Variants in ENPEP observed in about 807,000 individuals in gnomAD.
ENPEP encodes AP-A.
In ENPEP, 103 loss-of-function variants were observed where a neutral mutation model predicts 114.5. The ratio of observed to expected loss-of-function variants is 0.90; its 90% confidence interval spans 0.77 to 1.06. The LOEUF is 1.06. Among genes scored for constraint, ENPEP ranks in the 50% least tolerant of loss-of-function variants. The probability of loss-of-function intolerance (pLI) is 0.00; values close to 1 mark genes in which losing one functional copy is unlikely to be tolerated. For synonymous variants in ENPEP, 420 were observed against 422.0 expected, an observed-to-expected ratio of 1.00 and a Z score of 0.06; for missense variants, 1,196 against 1,161.3, an observed-to-expected ratio of 1.03 and a Z score of -0.43.
At chr4:110,484,277 G>A (rs1051302143) in intron 1 of ENPEP, among the ~76,000 whole-genome samples, 18 of 152,078 alleles carry the variant, frequency 1.2e-4, no homozygotes, top group African/African-American at 4.1e-4. Context: ...CTGGTGACCA[G>A]GTTTTACAGA....
rs988379942 is a variant in ENPEP at position 110,476,803 on chromosome 4, G to C, written c.389G>C (p.Arg130Pro). The change falls in exon 1 of 20, where the codon CGG becomes CCG. Residue 130 changes from arginine (R) to proline (P), a missense_variant. Arg to Pro is a moderately radical substitution (Grantham distance 103). Coordinates refer to ENST00000265162, the MANE Select transcript of ENPEP (RefSeq NM_001977.4). Reference sequence around the variant, plus strand: ...TCCATCAACCTGAGCGCTCCCACCCGGTACCTGTGGCTGCACCTCCGGGAG... The same window carrying C: ...TCCATCAACCTGAGCGCTCCCACCCCGTACCTGTGGCTGCACCTCCGGGAG... ...SISINLSAPT[R>P]YLWLHLRETR... The C allele has an allele frequency of 6.2e-7, 1 of 1,614,160 alleles. No homozygotes were observed. The highest frequency in any genetic ancestry group is 1.7e-5 in the Admixed American group (1 of 60,026).
chr4:110,480,131 C>T (rs936122470), intron 1 of ENPEP, among the ~76,000 whole-genome samples: 3 of 152,284 alleles, frequency 2.0e-5, no homozygotes, highest in Non-Finnish European at 2.9e-5. Flanking sequence ...GATTGGTGTT[C>T]CCAAGTTTGT....
intron 11 of ENPEP, among the ~76,000 whole-genome samples, chr4:110,540,818 A>C (rs1726820064): frequency 6.6e-6 from 1 of 152,160 alleles, no homozygotes; most frequent in South Asian, 2.1e-4. Context: ...GTAGCACATA[A>C]CTATGTGACC....
At position 110,549,827 on chromosome 4, in the gene ENPEP, A is replaced by G. The variant is rs1342215372; in HGVS notation, c.2442A>G (p.Gln814=). 6.2e-7 allele frequency: 1 copy of G among 1,613,296 alleles called. No homozygotes were observed. The highest frequency in any genetic ancestry group is 8.5e-7 in the Non-Finnish European group (1 of 1,179,506). Residue 814 remains glutamine, a synonymous_variant, in exon 17 of 20, where the codon CAA becomes CAG. Coordinates refer to ENST00000265162, the MANE Select transcript of ENPEP (RefSeq NM_001977.4). ...AATACCAGAAAACTTCATTAGCTCA[A>G]GAAAAAGAAAAACTGCTGTATGGAT... is the stretch of plus-strand genomic sequence containing the variant. ...LEQYQKTSLA[Q]EKEKLLYGLA... is the part of the protein sequence containing the mutation.
At position 110,506,700 on chromosome 4, in the gene ENPEP, AGT is replaced by A. The variant is rs1410919448; in HGVS notation, c.987_988del (p.Phe330Ter). On this transcript the variant is annotated frameshift_variant, in exon 4 of 20. Transcript: ENST00000265162. LOFTEE classifies it high-confidence loss of function. ...CGAATATGCTGCAAACATAACTAAA[AGT>A]GTGTTTGATTATTTTGAAGAATACT... Reference protein sequence around the residue: ...TAEYAANITKSVFDYFEEYFA... With the variant: ...TAEYAANITKXVFDYFEEYFA... The A allele has an allele frequency of 1.2e-6, 2 of 1,610,614 alleles. No individual in the cohort carries two copies. The highest frequency in any genetic ancestry group is 1.7e-6 in the Non-Finnish European group (2 of 1,177,472).
chr4:110,531,536 C>A (rs1726405676), intron 11 of ENPEP, among the ~76,000 whole-genome samples: 1 of 152,104 alleles, frequency 6.6e-6, no homozygotes, highest in Admixed American at 6.5e-5. Context: ...GCATGCCCAA[C>A]AATTGGAAGA....
chr4:110,488,843 T>C (rs1724599266), intron 2 of ENPEP, among the ~76,000 whole-genome samples, 161 bp downstream of exon 2: 3 of 152,192 alleles, frequency 2.0e-5, no homozygotes, highest in African/African-American at 7.2e-5. Context: ...TCTTTTTCTT[T>C]GAGTCCTAGA....
rs1342691144 is a variant in ENPEP, at chr4:110,549,644, C to T, written c.2330+12C>T. The stretch of plus-strand genomic sequence containing the variant: ...AATGGGACTGTAAGGTGATTACTCA[C>T]ATTGTTATGCTTAGAAGACACATTT... On this transcript the variant is annotated intron_variant, in intron 16 of 19. Transcript: ENST00000265162. 2 of 1,613,306 alleles carry T rather than the reference C, an allele frequency of 1.2e-6. No individual in the cohort carries two copies. Among genetic ancestry groups the T allele is most frequent in the Non-Finnish European group, 1.7e-6 (2 of 1,179,532 alleles).
rs1447144086 is a variant in ENPEP, at chr4:110,542,778, G to C, written c.1835G>C (p.Ser612Thr). 1 of 1,612,762 alleles carries C rather than the reference G, an allele frequency of 6.2e-7. No individual in the cohort carries two copies. The highest frequency in any genetic ancestry group is 1.7e-5 in the Admixed American group (1 of 59,916). The change falls in exon 12 of 20, where the codon AGT becomes ACT. Residue 612 changes from serine (S) to threonine (T), a missense_variant. By Grantham distance (58) the Ser-to-Thr change is moderately conservative. Coordinates refer to ENST00000265162, the MANE Select transcript of ENPEP (RefSeq NM_001977.4). ...ATCACTTTGAACTCCTCTAATCCTA[G>C]TGGAAATGCTTTTCTCAAAATAAAC... ...EGITLNSSNP[S>T]GNAFLKINPD...
Position 110,561,270 on chromosome 4 carries a change from C to T in ENPEP, c.2722-136C>T, listed in dbSNP as rs1727667630. The stretch of plus-strand genomic sequence containing the variant: ...GATGGGTTCAGTCTGAATGATGCGC[C>T]AGAGGTGTAGCTCAACGTTGTGCAG... On this transcript the variant is annotated intron_variant, in intron 19 of 19. Transcript: ENST00000265162. 4.6e-6 allele frequency: 4 copies of T among 871,270 alleles called. No homozygotes were observed. In the South Asian group the frequency reaches 6.3e-5, roughly 14 times the overall value. The allele number at this position is 871,270 out of a possible 1,614,324, so 54.0% of individuals were successfully genotyped here.
In ENPEP at chr4:110,565,231, T is replaced by C. The variant is rs763153000; in HGVS notation, c.*3673T>C. Reference sequence around the variant, plus strand: ...GAATAATAGTTCATGATGTAAAAATTATATAAAATTTAAATAAATGTCGGC... The same window carrying C: ...GAATAATAGTTCATGATGTAAAAATCATATAAAATTTAAATAAATGTCGGC... On this transcript the variant is annotated 3_prime_UTR_variant, in exon 20 of 20. Transcript: ENST00000265162. 5.3e-5 allele frequency: 8 copies of C among 152,188 alleles called. No individual in the cohort carries two copies. The highest frequency in any genetic ancestry group is 7.3e-5 in the Non-Finnish European group (5 of 68,040). 9.4% of individuals were successfully genotyped at this position (152,188 alleles called of 1,614,324 possible).
At position 110,497,334 on chromosome 4, in the gene ENPEP, A is replaced by G. The variant is rs138965687; in HGVS notation, c.918+6170A>G. On this transcript the variant is annotated intron_variant, in intron 3 of 19. Coordinates refer to ENST00000265162, the MANE Select transcript of ENPEP (RefSeq NM_001977.4). ...AATTAATTTCTTTACTGGAAGGGTTATCTTTAAATGGAAGGTTATTAATCT... is the reference window on the plus strand; with the variant it reads ...AATTAATTTCTTTACTGGAAGGGTTGTCTTTAAATGGAAGGTTATTAATCT... 5.3e-5 allele frequency among the ~76,000 whole-genome samples: 8 copies of G among 152,248 alleles called. No homozygotes were observed. In the East Asian group the frequency reaches 1.5e-3, roughly 29 times the overall value.
intron 3 of ENPEP, among the ~76,000 whole-genome samples, chr4:110,495,521 GAACAGCC>G: frequency 6.6e-6 from 1 of 152,124 alleles, no homozygotes; most frequent in Admixed American, 6.5e-5. Flanking sequence ...AGGAGTTTGA[GAACAGCC>G]TGGCCAAAAT....
chr4:110,549,241 A>G (rs2110394137), intron 14 of ENPEP, 105 bp from the exon 15 acceptor site: 1 of 914,416 alleles, frequency 1.1e-6, no homozygotes, highest in East Asian at 2.6e-5. Flanking sequence ...AGTTCTCTGA[A>G]TTAGTAGGAA....
intron 13 of ENPEP, among the ~76,000 whole-genome samples, chr4:110,544,797 C>A (rs578036197): frequency 6.6e-6 from 1 of 152,222 alleles, no homozygotes; most frequent in Admixed American, 6.5e-5. Context: ...CTCTGAGGAA[C>A]TGAGTATAAA....
intron 7 of ENPEP, 28 bp downstream of exon 7, chr4:110,513,577 C>T: frequency 6.2e-7 from 1 of 1,609,474 alleles, no homozygotes; most frequent in Non-Finnish European, 8.5e-7. Context: ...TTGTTTTGAA[C>T]ATCTTCCTGT....
At chr4:110,481,207 CA>C (rs1415211607) in intron 1 of ENPEP, among the ~76,000 whole-genome samples, 1 of 151,770 alleles carries the variant, frequency 6.6e-6, no homozygotes, top group East Asian at 1.9e-4. Flanking sequence ...ATACTAAATA[CA>C]AAATGATCTG....
At chr4:110,479,328 C>T (rs959046120) in intron 1 of ENPEP, among the ~76,000 whole-genome samples, 18 of 152,020 alleles carry the variant, frequency 1.2e-4, no homozygotes, top group Non-Finnish European at 2.5e-4. Flanking sequence ...ATTTAAGTTG[C>T]TCCTATTTTT....
chr4:110,536,039 G>T (rs140579658), intron 11 of ENPEP, among the ~76,000 whole-genome samples: 2 of 150,374 alleles, frequency 1.3e-5, no homozygotes, highest in Non-Finnish European at 3.0e-5. Context: ...CCCGGGAGGC[G>T]GAGGTTGTAG....
Sources: allele counts gnomAD v4.1 joint callset (sites outside exome capture counted in the v4.1 genomes callset), GRCh38; gene constraint gnomAD v4.1.1; transcripts MANE v1.5; gene names NCBI Gene and HGNC (gene_info 2026-07-23, HGNC 2026-07-21).